The following ARPP21 variants were observed in gnomAD, a reference collection of about 807,000 sequenced individuals.
ARPP21 encodes the protein cAMP regulated phosphoprotein 21, also known as cAMP-regulated phosphoprotein 21.
Under a neutral mutation model 113.2 loss-of-function variants are expected in ARPP21, and 69 were observed. The ratio of observed to expected loss-of-function variants is 0.61; its 90% CI spans 0.50 to 0.74. The LOEUF (loss-of-function observed/expected upper bound fraction) is 0.74. ARPP21 is among the 30% of genes least tolerant of loss of function. The pLI is 0.00. For synonymous variants in ARPP21, 368 were observed against 375.5 expected (o/e 0.98, Z 0.23); for missense variants, 1,070 against 1,037.4 (o/e 1.03, Z -0.43).
chr3:35,779,640 C>T (rs1467878100), intron 19 of ARPP21, among the ~76,000 whole-genome samples: 1 of 151,738 alleles, frequency 6.6e-6, no homozygotes, highest in South Asian at 2.1e-4. Flanking sequence ...AATACCACCT[C>T]AAGGAGGAGT....
In ARPP21 at chr3:35,698,168, A is replaced by G. The variant is rs77518343; in HGVS notation, c.686+7163A>G. On this transcript the variant is annotated intron_variant, in intron 9 of 20. Coordinates refer to ENST00000684406, the MANE Select transcript of ARPP21 (RefSeq NM_001385562.1). ...GTTTTTTAATCTATACTCAGGCTCA[A>G]AATGAGACGTATTTGTTCACATTGG... Among the ~76,000 whole-genome samples, 890 of 151,782 alleles carry G rather than the reference A, an allele frequency of 5.9e-3. 10 individuals are homozygous for G. Among genetic ancestry groups the G allele is most frequent in the African/African-American group, 0.021 (867 of 41,498 alleles).
intron 1 of ARPP21, among the ~76,000 whole-genome samples, chr3:35,643,066 T>C (rs545409122): frequency 6.6e-6 from 1 of 152,276 alleles, no homozygotes; most frequent in African/African-American, 2.4e-5. Flanking sequence ...CATTTGTATA[T>C]ATGCAGAACA....
At chr3:35,655,820 G>A (rs1704592952) in intron 1 of ARPP21, among the ~76,000 whole-genome samples, 1 of 152,012 alleles carries the variant, frequency 6.6e-6, no homozygotes, top group Non-Finnish European at 1.5e-5. Flanking sequence ...TCATATACAT[G>A]AGAATCACCT....
At chr3:35,707,192 C>G in intron 10 of ARPP21, 110 bp downstream of exon 10, 1 of 780,696 alleles carries the variant, frequency 1.3e-6, no homozygotes, top group Non-Finnish European at 2.2e-6. Context: ...CCTCCCCTGC[C>G]TCTGATACCA....
intron 1 of ARPP21, among the ~76,000 whole-genome samples, chr3:35,674,896 C>A (rs923097276): frequency 6.6e-6 from 1 of 151,820 alleles, no homozygotes; most frequent in South Asian, 2.1e-4. Context: ...ATGTGTGGGT[C>A]TCTCTTGCGA....
intron 19 of ARPP21, among the ~76,000 whole-genome samples, chr3:35,764,820 C>T (rs2095902162): frequency 1.3e-5 from 2 of 151,982 alleles, no homozygotes; most frequent in Non-Finnish European, 1.5e-5. Context: ...TATAGTTCTG[C>T]CATTTGTATA....
At chr3:35,762,580 C>T (rs535599383) in intron 19 of ARPP21, among the ~76,000 whole-genome samples, 14 of 152,134 alleles carry the variant, frequency 9.2e-5, no homozygotes, top group African/African-American at 2.4e-4. Flanking sequence ...GGAAAACATT[C>T]GTGACTACTT....
In ARPP21 at chr3:35,729,395, G is replaced by A. The variant is rs368185215; in HGVS notation, c.1318G>A (p.Ala440Thr). ...CACACCCCTAGTCTCAGGTGTGGCA[G>A]CTGGCTCTCCAGGCTGTGTGCCTTA... ...QSTPLVSGVA[A>T]GSPGCVPYPE... The change falls in exon 15 of 21, where the codon GCT becomes ACT. Residue 440 changes from alanine to threonine, a missense_variant. By Grantham distance (58) the Ala-to-Thr change is moderately conservative. Coordinates refer to ENST00000684406, the MANE Select transcript of ARPP21 (RefSeq NM_001385562.1). 8.2e-5 allele frequency: 132 copies of A among 1,614,162 alleles called. No individual in the cohort carries two copies. Among genetic ancestry groups the A allele is most frequent in the Non-Finnish European group, 1.0e-4 (122 of 1,180,024 alleles).
intron 18 of ARPP21, among the ~76,000 whole-genome samples, chr3:35,740,373 A>T (rs1304939236): frequency 6.6e-6 from 1 of 152,218 alleles, no homozygotes; most frequent in Admixed American, 6.5e-5. Flanking sequence ...ATTATGAAGT[A>T]TTGCATTGGA....
At chr3:35,713,984 A>G (rs1332327965) in intron 11 of ARPP21, among the ~76,000 whole-genome samples, 1 of 152,232 alleles carries the variant, frequency 6.6e-6, no homozygotes, top group Non-Finnish European at 1.5e-5. Flanking sequence ...AGCCAATAGT[A>G]AAACCAAATT....
At chr3:35,645,167 A>G (rs149853001) in intron 1 of ARPP21, among the ~76,000 whole-genome samples, 114 of 151,958 alleles carry the variant, frequency 7.5e-4, no homozygotes, top group African/African-American at 2.5e-3. Flanking sequence ...TAAAGAGGGC[A>G]AGTGTCCACT....
intron 14 of ARPP21, among the ~76,000 whole-genome samples, chr3:35,728,706 C>A (rs2093729624): frequency 1.3e-5 from 2 of 152,160 alleles, no homozygotes; most frequent in Non-Finnish European, 2.9e-5. Flanking sequence ...TAAAAGGGAT[C>A]CTATTTGATT....
intron 19 of ARPP21, among the ~76,000 whole-genome samples, chr3:35,776,668 C>T (rs561644759): frequency 6.6e-6 from 1 of 152,274 alleles, no homozygotes; most frequent in East Asian, 1.9e-4. Context: ...CACAGTGGAA[C>T]TGAGTTTATT....
At chr3:35,644,509 A>G (rs1031832597) in intron 1 of ARPP21, among the ~76,000 whole-genome samples, 6 of 151,952 alleles carry the variant, frequency 3.9e-5, no homozygotes, top group Non-Finnish European at 8.8e-5. Flanking sequence ...TTATAGTCTC[A>G]AAATCTGTGG....
In ARPP21 at chr3:35,684,678, CT is replaced by C. The variant is rs1477660926; in HGVS notation, c.261+869del. ...ATTATTTTTGTTTGGTTTGGTTTTG[CT>C]TTTTTCCTCTTACTTTAATTGAAAT... On this transcript the variant is annotated intron_variant, in intron 5 of 20. Transcript: ENST00000684406. The C allele has an allele frequency of 6.4e-5, 63 of 985,264 alleles. No individual in the cohort carries two copies. In the Middle Eastern group the frequency reaches 2.6e-3, roughly 41 times the overall value. The allele number at this position is 985,264 out of a possible 1,614,324, so 61.0% of individuals were successfully genotyped here. A position where few individuals can be genotyped will look rare whatever the true frequency, so the allele number is the denominator to read the frequency against.
Position 35,679,790 on chromosome 3 carries a change from G to A in ARPP21, c.-209G>A, listed in dbSNP as rs1285839611. 6.6e-6 allele frequency: 1 copy of A among 152,172 alleles called. No homozygotes were observed. The highest frequency in any genetic ancestry group is 1.5e-5 in the Non-Finnish European group (1 of 67,876). 9.4% of individuals were successfully genotyped at this position (152,172 alleles called of 1,614,324 possible). A position where few individuals can be genotyped will look rare whatever the true frequency, so the allele number is the denominator to read the frequency against. On this transcript the variant is annotated 5_prime_UTR_variant, in exon 2 of 21. Transcript: ENST00000684406. The stretch of plus-strand genomic sequence containing the variant: ...TTTATTTTTCATCTTTTTTCAGGTT[G>A]ACGATGTGTCACACTGTGTAAGGGA...
intron 11 of ARPP21, chr3:35,714,944 TC>T (rs1423039279): frequency 6.6e-6 from 1 of 152,486 alleles, no homozygotes; most frequent in Non-Finnish European, 1.5e-5. Flanking sequence ...AGTCTTTCAG[TC>T]AATCTCTTTA....
At chr3:35,767,405 A>G (rs2096018914) in intron 19 of ARPP21, among the ~76,000 whole-genome samples, 1 of 152,158 alleles carries the variant, frequency 6.6e-6, no homozygotes, top group South Asian at 2.1e-4. Context: ...CATGATGGAC[A>G]ATAAAGTGTG....
chr3:35,681,520 G>A (rs1044713881), intron 2 of ARPP21, 194 bp from the exon 3 acceptor site: 6 of 483,716 alleles, frequency 1.2e-5, no homozygotes, highest in African/African-American at 5.8e-5. Flanking sequence ...TGTAAAGGGG[G>A]TGTGGATGGG....
Sources: gnomAD v4.1 joint callset for allele counts (sites outside exome capture counted in the v4.1 genomes callset) on GRCh38, gnomAD v4.1.1 for gene constraint, MANE v1.5 for transcripts, NCBI Gene and HGNC (gene_info 2026-07-23, HGNC 2026-07-21) for gene names.